Variants in INVS observed in about 807,000 individuals in gnomAD.
INVS encodes inversin.
In INVS, 86 loss-of-function variants were observed where a neutral mutation model predicts 108.8. The ratio of observed to expected loss-of-function variants is 0.79; its 90% CI spans 0.66 to 0.95. The LOEUF (loss-of-function observed/expected upper bound fraction) is 0.95. Among genes scored for constraint, INVS ranks in the 40% least tolerant of loss-of-function variants. The pLI is 0.00. For synonymous variants in INVS, 455 were observed against 473.5 expected (o/e 0.96, Z 0.51); for missense variants, 1,169 against 1,297.4 (o/e 0.90, Z 1.52).
intron 3 of INVS, among the ~76,000 whole-genome samples, chr9:100,170,606 T>C (rs1325849435): frequency 6.6e-6 from 1 of 152,032 alleles, no homozygotes; most frequent in African/African-American, 2.4e-5. Context: ...AAGATCAGAT[T>C]TGATATCCTT....
At chr9:100,214,068 C>T (rs147778837) in intron 3 of INVS, among the ~76,000 whole-genome samples, 44 of 152,264 alleles carry the variant, frequency 2.9e-4, no homozygotes, top group Non-Finnish European at 3.8e-4. Context: ...CTAGGACCAT[C>T]GCTTTAATTT....
chr9:100,251,728 G>A lies in INVS; in HGVS notation c.1079-555G>A, dbSNP rs139909651. Among the ~76,000 whole-genome samples, 4 of 152,286 alleles carry A rather than the reference G, an allele frequency of 2.6e-5. No homozygotes were observed. The East Asian group carries it at 7.7e-4, about 29-fold the overall frequency. ...TGAGCCCTGGGGAAGTAGCTGGCTT[G>A]TAGCTGATATTGTATTAAAAATGCA... On this transcript the variant is annotated intron_variant, in intron 8 of 16. Coordinates refer to ENST00000262457, the MANE Select transcript of INVS (RefSeq NM_014425.5).
intron 12 of INVS, among the ~76,000 whole-genome samples, chr9:100,275,470 G>A (rs1833085103): frequency 6.6e-6 from 1 of 152,088 alleles, no homozygotes; most frequent in Non-Finnish European, 1.5e-5. Context: ...CTTAAGTGGT[G>A]GAGAAACTGA....
chr9:100,230,251 C>A (rs1376063934), intron 5 of INVS, among the ~76,000 whole-genome samples: 1 of 148,400 alleles, frequency 6.7e-6, no homozygotes, highest in Non-Finnish European at 1.5e-5. Context: ...AAGTATATTA[C>A]CATTACCTTT....
chr9:100,290,678 T>C (rs926336926), intron 13 of INVS, among the ~76,000 whole-genome samples: 1 of 151,642 alleles, frequency 6.6e-6, no homozygotes, highest in Non-Finnish European at 1.5e-5. Flanking sequence ...ACATGAAGAG[T>C]AGTATAGTTT....
At chr9:100,242,804 T>G in intron 7 of INVS, 125 bp downstream of exon 7, 1 of 640,374 alleles carries the variant, frequency 1.6e-6, no homozygotes, top group Non-Finnish European at 2.8e-6. Flanking sequence ...CCTAGTTCAC[T>G]CTGTTTTTAT....
intron 2 of INVS, among the ~76,000 whole-genome samples, chr9:100,104,914 T>G (rs1216725971): frequency 1.3e-5 from 2 of 152,192 alleles, no homozygotes; most frequent in Non-Finnish European, 2.9e-5. Context: ...TGTTAACAGA[T>G]CTCGAATGAA....
intron 3 of INVS, among the ~76,000 whole-genome samples, chr9:100,144,286 T>C (rs935333527): frequency 1.3e-5 from 2 of 152,048 alleles, no homozygotes; most frequent in Admixed American, 1.3e-4. Context: ...GCAACTTTTT[T>C]CTATTATTGT....
At chr9:100,110,468 A>C (rs960526338) in intron 2 of INVS, among the ~76,000 whole-genome samples, 1 of 152,168 alleles carries the variant, frequency 6.6e-6, no homozygotes, top group African/African-American at 2.4e-5. Context: ...GCACTTTCAT[A>C]TGTATAAATA....
intron 10 of INVS, among the ~76,000 whole-genome samples, chr9:100,258,064 T>C (rs1367717997): frequency 1.3e-5 from 2 of 152,212 alleles, no homozygotes; most frequent in Non-Finnish European, 2.9e-5. Context: ...GTAGATTTGG[T>C]CTTTTCACAT....
At chr9:100,183,769 C>T (rs1588070474) in intron 3 of INVS, among the ~76,000 whole-genome samples, 1 of 109,652 alleles carries the variant, frequency 9.1e-6, no homozygotes, top group African/African-American at 3.6e-5. Flanking sequence ...CCAGCCTGGG[C>T]AACAGAGTGA....
At chr9:100,144,975 A>C (rs1828554028) in intron 3 of INVS, among the ~76,000 whole-genome samples, 1 of 152,096 alleles carries the variant, frequency 6.6e-6, no homozygotes, top group Admixed American at 6.5e-5. Flanking sequence ...TTACAACAAG[A>C]ATTATCTAGA....
At position 100,126,511 on chromosome 9, in the gene INVS, C is replaced by A. The variant is rs1392628880; in HGVS notation, c.235C>A (p.His79Asn). 2 of 1,614,116 alleles carry A rather than the reference C, an allele frequency of 1.2e-6. No individual in the cohort carries two copies. Among genetic ancestry groups the A allele is most frequent in the Non-Finnish European group, 1.7e-6 (2 of 1,180,018 alleles). Reference sequence around the variant, plus strand: ...AGGAGCAGATGTGAATAAAACTGACCATAGCCAGAGAACAGCCCTCCATCT... The same window carrying A: ...AGGAGCAGATGTGAATAAAACTGACAATAGCCAGAGAACAGCCCTCCATCT... The part of the protein sequence containing the change: ...KAGADVNKTD[H>N]SQRTALHLAA... The change falls in exon 3 of 17, where the codon CAT (histidine) becomes AAT (asparagine). Residue 79 changes from histidine to asparagine, a missense_variant. Around this residue, in one of 3 missense-constraint regions of INVS, gnomAD observed 365 missense variants for 397.5 expected, o/e 0.92. Transcript: ENST00000262457.
rs1157445308 is a variant in INVS, at chr9:100,246,770, A to C, written c.1061A>C (p.Asp354Ala). Residue 354 changes from aspartate to alanine, a missense_variant, in exon 8 of 17, where the codon GAC becomes GCC. Asp to Ala is a moderately radical substitution (Grantham distance 126). Coordinates refer to ENST00000262457, the MANE Select transcript of INVS (RefSeq NM_014425.5). ...TCGGACATAGATATTAACATGGCTG[A>C]CAAATATGGAGGTACAGGTGAGAAC... is the stretch of plus-strand genomic sequence containing the variant. The part of the protein sequence containing the change: ...LKSDIDINMA[D>A]KYGGTALHAA... 1.2e-6 allele frequency: 2 copies of C among 1,614,104 alleles called. No individual in the cohort carries two copies. Among genetic ancestry groups the C allele is most frequent in the Non-Finnish European group, 1.7e-6 (2 of 1,179,962 alleles).
chr9:100,290,084 T>C (rs1316911323), intron 13 of INVS, among the ~76,000 whole-genome samples: 1 of 134,294 alleles, frequency 7.4e-6, no homozygotes, highest in Non-Finnish European at 1.7e-5. Flanking sequence ...CTTGTAGTTT[T>C]AGTTTTTTTT....
At position 100,171,364 on chromosome 9, in the gene INVS, C is replaced by A. The variant is rs184693175; in HGVS notation, c.273+44815C>A. ...TGTAGTCTAGGAGCATCAGGTTATA[C>A]CATATAGCCTAGGTGTGTAATAAGT... On this transcript the variant is annotated intron_variant, in intron 3 of 16. Coordinates refer to ENST00000262457, the MANE Select transcript of INVS (RefSeq NM_014425.5). 5.0e-3 allele frequency among the ~76,000 whole-genome samples: 762 copies of A among 152,114 alleles called. 1 individual carries two copies. The highest frequency in any genetic ancestry group is 9.0e-3 in the Non-Finnish European group (611 of 67,978).
chr9:100,188,551 T>C (rs1830121157), intron 3 of INVS, among the ~76,000 whole-genome samples: 1 of 152,070 alleles, frequency 6.6e-6, no homozygotes, highest in Non-Finnish European at 1.5e-5. Context: ...ATCTTTTTGA[T>C]ATGCTGTTGG....
chr9:100,145,830 C>T (rs1828591786), intron 3 of INVS, among the ~76,000 whole-genome samples: 1 of 152,046 alleles, frequency 6.6e-6, no homozygotes, highest in Non-Finnish European at 1.5e-5. Context: ...AAACGCGTCT[C>T]CTGTCTCTAC....
chr9:100,114,908 A>G (rs1347000625), intron 2 of INVS, among the ~76,000 whole-genome samples: 1 of 152,250 alleles, frequency 6.6e-6, no homozygotes, highest in Non-Finnish European at 1.5e-5. Flanking sequence ...AAATATTCAC[A>G]TACAAGTTTT....
Sources: gnomAD v4.1 joint callset for allele counts (sites outside exome capture counted in the v4.1 genomes callset) on GRCh38, gnomAD v4.1.1 for gene constraint, gnomAD v4.1.1 regional missense constraint, MANE v1.5 for transcripts, NCBI Gene and HGNC (gene_info 2026-07-23, HGNC 2026-07-21) for gene names.